GSTO2: variants seen among roughly 807,000 people sequenced by gnomAD.
GSTO2 encodes the protein glutathione S-transferase omega 2, also known as glutathione S-transferase omega-2.
In GSTO2, 23 loss-of-function variants were observed where a neutral mutation model predicts 28.4. The observed-to-expected ratio is 0.81, with a 90% CI of 0.58 to 1.15. The LOEUF is 1.15. Among genes scored for constraint, GSTO2 ranks in the 50% most tolerant of loss-of-function variants. The probability of loss-of-function intolerance (pLI) is 0.00; values close to 1 mark genes in which losing one functional copy is unlikely to be tolerated. For synonymous variants in GSTO2, 109 were observed against 111.0 expected, an observed-to-expected ratio of 0.98 and a Z score of 0.11; for missense variants, 298 against 297.8, an observed-to-expected ratio of 1.00 and a Z score of 0.00.
chr10:104,292,289 C>T (rs1055696739), intron 5 of GSTO2, among the ~76,000 whole-genome samples: 1 of 150,764 alleles, frequency 6.6e-6, no homozygotes, highest in Non-Finnish European at 1.5e-5. Context: ...TAGCTCACTA[C>T]AGCCTCGAAC....
intron 6 of GSTO2, 29 bp from the exon 7 acceptor site, chr10:104,299,099 T>C (rs2013172842): frequency 1.3e-6 from 2 of 1,599,346 alleles, no homozygotes; most frequent in Non-Finnish European, 8.5e-7. Context: ...ACCCCTGCAC[T>C]GTGCTGACGC....
In GSTO2 at chr10:104,292,410, GACCTTCCAAAGC is replaced by G. The variant is rs560511591; in HGVS notation, c.469-5165_469-5154del. Among the ~76,000 whole-genome samples, 102 of 151,506 alleles carry G rather than the reference GACCTTCCAAAGC, an allele frequency of 6.7e-4. 1 individual carries two copies. In the South Asian group the frequency reaches 9.8e-3, roughly 15 times the overall value. ...TGGCCTCAAGAGATCCTTCCACTTT[GACCTTCCAAAGC>G]ACTGGGATTACAGGCGTAAGGCACA... On this transcript the variant is annotated intron_variant, in intron 5 of 6. Coordinates refer to ENST00000338595, the MANE Select transcript of GSTO2 (RefSeq NM_183239.2).
At position 104,299,590 on chromosome 10, in the gene GSTO2, C is replaced by T. The variant is rs12219470; in HGVS notation, c.*306C>T. 12,923 of 309,108 alleles carry T rather than the reference C, an allele frequency of 0.042. 540 individuals are homozygous for T. Among genetic ancestry groups the T allele is most frequent in the East Asian group, 0.13 (1,220 of 9,536 alleles). The allele number at this position is 309,108 out of a possible 1,614,324, so 19.1% of individuals were successfully genotyped here. ...TCCTGGGCTCAGTTGATTCTCCCGC[C>T]TCAGCCTCCTGAGAAGCTAGGACTA... On this transcript the variant is annotated 3_prime_UTR_variant, in exon 7 of 7. Coordinates refer to ENST00000338595, the MANE Select transcript of GSTO2 (RefSeq NM_183239.2).
chr10:104,285,173 G>A (rs1288056294), intron 5 of GSTO2, among the ~76,000 whole-genome samples: 1 of 152,190 alleles, frequency 6.6e-6, no homozygotes, highest in Non-Finnish European at 1.5e-5. Flanking sequence ...GGTGGAATTT[G>A]CATAAATTAT....
At chr10:104,284,970 C>A (rs1382475393) in intron 5 of GSTO2, among the ~76,000 whole-genome samples, 1 of 152,136 alleles carries the variant, frequency 6.6e-6, no homozygotes, top group Non-Finnish European at 1.5e-5. Flanking sequence ...ATAAATAATG[C>A]TGAAATAGCC....
Position 104,278,112 on chromosome 10 carries a change from G to T in GSTO2, c.362G>T (p.Cys121Phe). ...CAAAAGATGTTATTGGAGCTATTTT[G>T]TAAGGTATATTCAATTTAAAAAGTC... Reference protein sequence around the residue: ...ARQKMLLELFCKVPHLTKECL... With the variant: ...ARQKMLLELFFKVPHLTKECL... Residue 121 changes from cysteine to phenylalanine, a missense_variant, in exon 4 of 7, where the codon TGT becomes TTT. Coordinates refer to ENST00000338595, the MANE Select transcript of GSTO2 (RefSeq NM_183239.2). 6.2e-7 allele frequency: 1 copy of T among 1,612,022 alleles called. No individual in the cohort carries two copies. Among genetic ancestry groups the T allele is most frequent in the Non-Finnish European group, 8.5e-7 (1 of 1,178,402 alleles).
chr10:104,274,808 C>A lies in GSTO2; in HGVS notation c.-108C>A. On this transcript the variant is annotated 5_prime_UTR_variant, in exon 2 of 7. Coordinates refer to ENST00000338595, the MANE Select transcript of GSTO2 (RefSeq NM_183239.2). ...AGTAGTTCAAAAATTAAATTTGGGG[C>A]AAGGGGTGCGCGCCAGAGCGCAGCT... The A allele has an allele frequency of 1.5e-6, 2 of 1,360,050 alleles. No homozygotes were observed. The highest frequency in any genetic ancestry group is 2.0e-6 in the Non-Finnish European group (2 of 975,992). 84.2% of individuals were successfully genotyped at this position (1,360,050 alleles called of 1,614,324 possible).
chr10:104,283,413 G>T (rs920562895), intron 5 of GSTO2, among the ~76,000 whole-genome samples: 4 of 152,216 alleles, frequency 2.6e-5, no homozygotes, highest in Middle Eastern at 3.4e-3. Flanking sequence ...ATCACCTGAG[G>T]CCAGGAGTTC....
Position 104,275,207 on chromosome 10 carries a change from C to CG in GSTO2, c.35-19_35-18insG, listed in dbSNP as rs1164620513. 2 of 1,603,712 alleles carry CG rather than the reference C, an allele frequency of 1.2e-6. No homozygotes were observed. The highest frequency in any genetic ancestry group is 1.7e-6 in the Non-Finnish European group (2 of 1,174,892). On this transcript the variant is annotated intron_variant, in intron 2 of 6. Coordinates refer to ENST00000338595, the MANE Select transcript of GSTO2 (RefSeq NM_183239.2). ...ACTAGCCTCTCCTTTCCCTGTCCCC[C>CG]TCCATCGCTGCTCTGCAGGAAGCCA...
At chr10:104,281,263 G>T (rs2012021146) in intron 5 of GSTO2, among the ~76,000 whole-genome samples, 1 of 152,110 alleles carries the variant, frequency 6.6e-6, no homozygotes, top group Admixed American at 6.5e-5. Flanking sequence ...GGAGAGAGGA[G>T]AGCTGCTGCT....
chr10:104,271,448 C>T (rs2011401777), intron 1 of GSTO2, among the ~76,000 whole-genome samples: 1 of 152,204 alleles, frequency 6.6e-6, no homozygotes, highest in Non-Finnish European at 1.5e-5. Flanking sequence ...ATGCCCTGGA[C>T]TATTTGATTC....
At chr10:104,275,192 C>T (rs772520596) in intron 2 of GSTO2, 34 bp from the exon 3 acceptor site, 1 of 1,590,222 alleles carries the variant, frequency 6.3e-7, no homozygotes, top group South Asian at 1.1e-5. Context: ...ACTAGCCTCT[C>T]CTTTCCCTGT....
intron 5 of GSTO2, among the ~76,000 whole-genome samples, chr10:104,283,396 A>C (rs2012202569): frequency 6.6e-6 from 1 of 152,126 alleles, no homozygotes; most frequent in South Asian, 2.1e-4. Flanking sequence ...GAGGCCAAGG[A>C]GGGAGGATCA....
chr10:104,276,956 A>T (rs543122229), intron 3 of GSTO2, among the ~76,000 whole-genome samples: 32 of 152,324 alleles, frequency 2.1e-4, no homozygotes, highest in African/African-American at 6.5e-4. Flanking sequence ...AAGAAGAATT[A>T]AAAAAGTTAT....
At chr10:104,286,306 T>G (rs911020307) in intron 5 of GSTO2, among the ~76,000 whole-genome samples, 7 of 152,208 alleles carry the variant, frequency 4.6e-5, no homozygotes, top group African/African-American at 1.7e-4. Flanking sequence ...CTGCTTTCTG[T>G]CTCTATGGAT....
At chr10:104,270,259 C>T (rs770978721) in intron 1 of GSTO2, among the ~76,000 whole-genome samples, 23 of 151,582 alleles carry the variant, frequency 1.5e-4, no homozygotes, top group Non-Finnish European at 2.4e-4. Context: ...GTGATCCGCC[C>T]GCCTCAGCCT....
rs1213571425 is a variant in GSTO2 at position 104,299,363 on chromosome 10, A to G, written c.*79A>G. 2.1e-6 allele frequency: 3 copies of G among 1,460,390 alleles called. No individual in the cohort carries two copies. Among genetic ancestry groups the G allele is most frequent in the Non-Finnish European group, 2.8e-6 (3 of 1,062,276 alleles). 90.5% of individuals were successfully genotyped at this position (1,460,390 alleles called of 1,614,324 possible). On this transcript the variant is annotated 3_prime_UTR_variant, in exon 7 of 7. Coordinates refer to ENST00000338595, the MANE Select transcript of GSTO2 (RefSeq NM_183239.2). Reference sequence around the variant, plus strand: ...ACGTCACGGCTTGTCTTGGGAACCAATCCGTCTCTCTTTCTTTTCTTTGAA... The same window carrying G: ...ACGTCACGGCTTGTCTTGGGAACCAGTCCGTCTCTCTTTCTTTTCTTTGAA...
chr10:104,299,202 T>C lies in GSTO2; in HGVS notation c.650T>C (p.Leu217Pro), dbSNP rs1176871763. The C allele has an allele frequency of 6.2e-7, 1 of 1,614,232 alleles. No homozygotes were observed. Among genetic ancestry groups the C allele is most frequent in the Admixed American group, 1.7e-5 (1 of 60,030 alleles). Reference sequence around the variant, plus strand: ...TGGGACCCCACAGTCTGTGCTCTTCTCATGGATAAGAGCATTTTCCAGGGC... The same window carrying C: ...TGGGACCCCACAGTCTGTGCTCTTCCCATGGATAAGAGCATTTTCCAGGGC... Reference protein sequence around the residue: ...MKWDPTVCALLMDKSIFQGFL... With the variant: ...MKWDPTVCALPMDKSIFQGFL... Residue 217 changes from leucine (L) to proline (P), a missense_variant, in exon 7 of 7, where the codon CTC (leucine) becomes CCC (proline). Transcript: ENST00000338595.
intron 5 of GSTO2, chr10:104,286,050 C>A: frequency 4.3e-6 from 1 of 235,204 alleles, no homozygotes; most frequent in South Asian, 4.1e-5. Flanking sequence ...GTTAACATGT[C>A]TATAAACTAA....
Sources: allele counts gnomAD v4.1 joint callset (sites outside exome capture counted in the v4.1 genomes callset), GRCh38; gene constraint gnomAD v4.1.1; transcripts MANE v1.5; gene names NCBI Gene and HGNC (gene_info 2026-07-23, HGNC 2026-07-21).